The following PLXNA2 variants were observed in gnomAD, a reference collection of about 807,000 sequenced individuals.
PLXNA2 encodes plexin-A2.
In PLXNA2, 91 loss-of-function variants were observed where a neutral mutation model predicts 193.5. The ratio of observed to expected loss-of-function variants is 0.47; its 90% confidence interval spans 0.40 to 0.56. The LOEUF (loss-of-function observed/expected upper bound fraction) is 0.56. Ranked by LOEUF, PLXNA2 falls within the 20% of genes least tolerant of loss-of-function variation. The probability of loss-of-function intolerance (pLI) is 0.00; values close to 1 mark genes in which losing one functional copy is unlikely to be tolerated. For missense variants in PLXNA2, 1,995 were observed against 2,503.2 expected, an observed-to-expected ratio of 0.80 and a Z score of 4.33; for synonymous variants, 997 against 1,027.3, an observed-to-expected ratio of 0.97 and a Z score of 0.56.
At chr1:208,166,423 T>C (rs1450080688) in intron 3 of PLXNA2, among the ~76,000 whole-genome samples, 1 of 152,216 alleles carries the variant, frequency 6.6e-6, no homozygotes, top group Non-Finnish European at 1.5e-5. Context: ...CTGCAGGTAC[T>C]TCCTGAAGAT....
At chr1:208,147,820 C>T (rs1356956980) in intron 3 of PLXNA2, among the ~76,000 whole-genome samples, 1 of 152,130 alleles carries the variant, frequency 6.6e-6, no homozygotes, top group Non-Finnish European at 1.5e-5. Flanking sequence ...GTCCAAATTT[C>T]CCCCTCATCC....
chr1:208,040,257 C>G lies in PLXNA2; in HGVS notation c.4287-199G>C, dbSNP rs528485959. 14 of 588,438 alleles carry G rather than the reference C, an allele frequency of 2.4e-5. No homozygotes were observed. The African/African-American group carries it at 2.4e-4, about 10-fold the overall frequency. 36.5% of individuals were successfully genotyped at this position (588,438 alleles called of 1,614,324 possible). On this transcript the variant is annotated intron_variant, in intron 22 of 31. Coordinates refer to ENST00000367033, the MANE Select transcript of PLXNA2 (RefSeq NM_025179.4). ...GGGTAGGGGTGGCTTCTTTCTGGGC[C>G]TCAATTTCCTATGAAAATGGAGAGG...
At chr1:208,051,138 C>A in intron 16 of PLXNA2, 36 bp from the exon 17 acceptor site, 1 of 1,600,844 alleles carries the variant, frequency 6.2e-7, no homozygotes, top group Non-Finnish European at 8.6e-7. Flanking sequence ...GGTAAAAAAC[C>A]CCCTCAAATC....
At chr1:208,125,231 C>G (rs181951578) in intron 4 of PLXNA2, among the ~76,000 whole-genome samples, 127 of 152,306 alleles carry the variant, frequency 8.3e-4, no homozygotes, top group Admixed American at 2.3e-3. Flanking sequence ...ATAACAGGAA[C>G]TAACACAATG....
Position 208,092,783 on chromosome 1 carries a change from T to G in PLXNA2, c.2097+3A>C. The stretch of plus-strand genomic sequence containing the variant: ...CTGCCATGTTAGGGTAAGCCCTTCT[T>G]ACCTCTGAAATATTGATCCGGCCCT... On this transcript the variant is annotated splice_donor_region_variant and intron_variant, in intron 9 of 31. Coordinates refer to ENST00000367033, the MANE Select transcript of PLXNA2 (RefSeq NM_025179.4). The G allele has an allele frequency of 6.2e-7, 1 of 1,608,040 alleles. No homozygotes were observed. Among genetic ancestry groups the G allele is most frequent in the Non-Finnish European group, 8.5e-7 (1 of 1,174,938 alleles).
chr1:208,244,304 TGGCGGCGGCGGC>T lies in PLXNA2; in HGVS notation c.-754_-743del, dbSNP rs750500251. The stretch of plus-strand genomic sequence containing the variant: ...CTCCCGGCAGCTCTGGCTCCCGCGG[TGGCGGCGGCGGC>T]GGCGGCGGCGGCGGCGGCGGAGGAG... On this transcript the variant is annotated 5_prime_UTR_variant, in exon 1 of 32. Transcript: ENST00000367033. 6.7e-5 allele frequency: 13 copies of T among 194,146 alleles called. No homozygotes were observed. Among genetic ancestry groups the T allele is most frequent in the South Asian group, 4.6e-4 (5 of 10,938 alleles). 12.0% of individuals were successfully genotyped at this position (194,146 alleles called of 1,614,324 possible). A position where few individuals can be genotyped will look rare whatever the true frequency, so the allele number is the denominator to read the frequency against.
intron 3 of PLXNA2, among the ~76,000 whole-genome samples, chr1:208,143,054 C>A (rs1199240531): frequency 6.6e-6 from 1 of 152,224 alleles, no homozygotes; most frequent in African/African-American, 2.4e-5. Flanking sequence ...CCTCTCCAAG[C>A]CCATCCTAGG....
intron 15 of PLXNA2, among the ~76,000 whole-genome samples, chr1:208,052,079 C>G (rs141799312): frequency 2.8e-4 from 42 of 152,292 alleles, no homozygotes; most frequent in Admixed American, 2.7e-3. Context: ...TAGGAGCCTC[C>G]TCCATCTGGT....
At position 208,103,215 on chromosome 1, in the gene PLXNA2, C is replaced by T. The variant is rs1390312593; in HGVS notation, c.1539G>A (p.Gln513=). The T allele has an allele frequency of 1.2e-6, 2 of 1,614,134 alleles. No homozygotes were observed. Among genetic ancestry groups the T allele is most frequent in the Non-Finnish European group, 1.7e-6 (2 of 1,180,004 alleles). The change falls in exon 5 of 32, where the codon CAG becomes CAA. Residue 513 remains glutamine, a synonymous_variant. Coordinates refer to ENST00000367033, the MANE Select transcript of PLXNA2 (RefSeq NM_025179.4). ...VTRVPVESCE[Q]YTTCGECLSS... ...TCAGGCACTCCCCACAAGTCGTATA[C>T]TGCTCACATGACTCCACGGGGACCC...
intron 12 of PLXNA2, among the ~76,000 whole-genome samples, chr1:208,063,339 A>G (rs1665677068): frequency 6.6e-6 from 1 of 152,154 alleles, no homozygotes; most frequent in Non-Finnish European, 1.5e-5. Context: ...CCCTTCCAAC[A>G]TTCAAGGATC....
At chr1:208,202,395 G>A (rs958312979) in intron 3 of PLXNA2, among the ~76,000 whole-genome samples, 2 of 152,172 alleles carry the variant, frequency 1.3e-5, no homozygotes, top group African/African-American at 4.8e-5. Flanking sequence ...AATCCTTACT[G>A]TAATCTTATG....
intron 4 of PLXNA2, among the ~76,000 whole-genome samples, chr1:208,118,861 G>C (rs1276691183): frequency 6.6e-6 from 1 of 152,116 alleles, no homozygotes; most frequent in East Asian, 1.9e-4. Context: ...AAAAAAAGCG[G>C]AATTTTAAAT....
At chr1:208,141,764 G>A (rs1668461936) in intron 4 of PLXNA2, among the ~76,000 whole-genome samples, 2 of 152,200 alleles carry the variant, frequency 1.3e-5, no homozygotes, top group Non-Finnish European at 2.9e-5. Context: ...CCATCCCAGA[G>A]GGTGGAAGAC....
intron 5 of PLXNA2, among the ~76,000 whole-genome samples, chr1:208,100,568 C>T (rs1438188745): frequency 6.6e-6 from 1 of 152,096 alleles, no homozygotes; most frequent in African/African-American, 2.4e-5. Flanking sequence ...AGGGTCTTGG[C>T]AGTGTGGGAC....
intron 3 of PLXNA2, among the ~76,000 whole-genome samples, chr1:208,164,697 C>T (rs959453748): frequency 6.6e-6 from 1 of 152,216 alleles, no homozygotes; most frequent in Non-Finnish European, 1.5e-5. Context: ...GAAGCTGGAG[C>T]TCCCTTCATG....
intron 12 of PLXNA2, among the ~76,000 whole-genome samples, chr1:208,077,341 G>T (rs1323490929): frequency 6.6e-6 from 1 of 152,154 alleles, no homozygotes; most frequent in Non-Finnish European, 1.5e-5. Flanking sequence ...TTAGCCTCGC[G>T]TAGCCTGGGT....
chr1:208,076,916 A>G (rs1455367646), intron 12 of PLXNA2, among the ~76,000 whole-genome samples: 1 of 152,222 alleles, frequency 6.6e-6, no homozygotes, highest in East Asian at 1.9e-4. Context: ...GGTGAAGGGT[A>G]TATGAAAGTT....
chr1:208,210,147 C>G, intron 3 of PLXNA2, 133 bp downstream of exon 3: 1 of 914,646 alleles, frequency 1.1e-6, no homozygotes, highest in Non-Finnish European at 1.7e-6. Flanking sequence ...CTTCTTACCT[C>G]CCCATTTCAC....
chr1:208,125,210 G>T (rs1185050562), intron 4 of PLXNA2, among the ~76,000 whole-genome samples: 1 of 152,140 alleles, frequency 6.6e-6, no homozygotes, highest in East Asian at 1.9e-4. Context: ...CATTAAATCC[G>T]GGAGGTGAGG....
Sources: allele counts gnomAD v4.1 joint callset (sites outside exome capture counted in the v4.1 genomes callset), GRCh38; gene constraint gnomAD v4.1.1; transcripts MANE v1.5; gene names NCBI Gene and HGNC (gene_info 2026-07-23, HGNC 2026-07-21).